The following ZNF142 variants were observed in gnomAD, a reference collection of about 807,000 sequenced individuals.
ZNF142 encodes the protein zinc finger protein 142 (clone pHZ-49).
ZNF142 carries 96 observed loss-of-function variants against 132.1 expected under a neutral mutation model. The ratio of observed to expected loss-of-function variants is 0.73; its 90% CI spans 0.62 to 0.86. ZNF142 has a LOEUF of 0.86. Among genes scored for constraint, ZNF142 ranks in the 40% least tolerant of loss-of-function variants. The probability of loss-of-function intolerance (pLI) is 0.00; values close to 1 mark genes in which losing one functional copy is unlikely to be tolerated. For synonymous variants in ZNF142, 842 were observed against 890.1 expected (o/e 0.95, Z 0.96); for missense variants, 2,163 against 2,336.2 (o/e 0.93, Z 1.53).
chr2:218,657,720 G>T (rs1359871134), intron 3 of ZNF142, among the ~76,000 whole-genome samples: 1 of 152,138 alleles, frequency 6.6e-6, no homozygotes, highest in African/African-American at 2.4e-5. Flanking sequence ...GTGAGGCACC[G>T]CGCCGGGCCT....
In ZNF142 at chr2:218,649,142, G is replaced by T. The variant is rs1299544933; in HGVS notation, c.1366C>A (p.Pro456Thr). The T allele has an allele frequency of 6.2e-7, 1 of 1,614,152 alleles. No individual in the cohort carries two copies. Residue 456 changes from proline (P) to threonine (T), a missense_variant, in exon 7 of 11, where the codon CCT becomes ACT. This residue lies in a region of ZNF142 where 749 missense variants were observed against 830.3 expected (regional missense o/e 0.90). Transcript: ENST00000411696. ...AGGCGGAATTCCTCACGGCAGACAG[G>T]ACAGGCATAGGTGTCTGAGTAGAAG... Reference protein sequence around the residue: ...SNFYSDTYACPVCREEFRLSQ... With the variant: ...SNFYSDTYACTVCREEFRLSQ...
chr2:218,641,166 T>C (rs1697152059), intron 9 of ZNF142, among the ~76,000 whole-genome samples: 1 of 152,086 alleles, frequency 6.6e-6, no homozygotes, highest in Non-Finnish European at 1.5e-5. Context: ...CTCAAACTCC[T>C]GGGATCAAGC....
chr2:218,658,337 C>T (rs185635607), intron 3 of ZNF142, among the ~76,000 whole-genome samples: 3 of 152,098 alleles, frequency 2.0e-5, no homozygotes, highest in Non-Finnish European at 4.4e-5. Flanking sequence ...GTCAGAAGTT[C>T]GAGACCAGCC....
chr2:218,643,308 G>A lies in ZNF142; in HGVS notation c.3808C>T (p.Pro1270Ser), dbSNP rs375768305. 2 of 1,614,082 alleles carry A rather than the reference G, an allele frequency of 1.2e-6. No homozygotes were observed. The highest frequency in any genetic ancestry group is 2.7e-5 in the African/African-American group (2 of 74,930). Reference protein sequence around the residue: ...GTPQTQPDVSPLSNGDSAPPK... With the variant: ...GTPQTQPDVSSLSNGDSAPPK... ...GGAGCAGAGTCCCCATTGCTCAACG[G>A]GGACACATCAGGCTGGGTCTGGGGG... The change falls in exon 9 of 11, where the codon CCG (proline) becomes TCG (serine). Residue 1270 changes from proline to serine, a missense_variant. Pro to Ser is a moderately conservative substitution (Grantham distance 74). This residue lies in a region of ZNF142 where 809 missense variants were observed against 801.7 expected (regional missense o/e 1.01). Coordinates refer to ENST00000411696, the MANE Select transcript of ZNF142 (RefSeq NM_001379659.1).
In ZNF142 at chr2:218,638,105, G is replaced by A. The variant is rs185745984; in HGVS notation, c.*234C>T. 1 of 379,956 alleles carries A rather than the reference G, an allele frequency of 2.6e-6. No individual in the cohort carries two copies. The highest frequency in any genetic ancestry group is 2.1e-5 in the African/African-American group (1 of 48,454). 23.5% of individuals were successfully genotyped at this position (379,956 alleles called of 1,614,324 possible). On this transcript the variant is annotated 3_prime_UTR_variant, in exon 11 of 11. Transcript: ENST00000411696. ...GTGATGGTGAAGAAACTGAGAACTT[G>A]CAGGTTAAAAACGCAATGTACAGCA...
At position 218,649,954 on chromosome 2, in the gene ZNF142, G is replaced by T. The variant is rs1187940004; in HGVS notation, c.1048+405C>A. On this transcript the variant is annotated intron_variant, in intron 6 of 10. Transcript: ENST00000411696. ...TTCACTTGATAACTATGCTCCTTGTGGGATGACTTTCAAATATTCTACTGA... is the reference window on the plus strand; with the variant it reads ...TTCACTTGATAACTATGCTCCTTGTTGGATGACTTTCAAATATTCTACTGA... Among the ~76,000 whole-genome samples the T allele has an allele frequency of 2.0e-5, 3 of 152,288 alleles. No individual in the cohort carries two copies. The East Asian group carries it at 5.8e-4, about 29-fold the overall frequency.
In ZNF142 at chr2:218,649,424, T is replaced by C. The variant is rs1937771604; in HGVS notation, c.1084A>G (p.Thr362Ala). ...CGCTTACACTCTGGACACATATGGGTCTTGAAGAGGGACTCGGTGCCAGAG... is the reference window on the plus strand; with the variant it reads ...CGCTTACACTCTGGACACATATGGGCCTTGAAGAGGGACTCGGTGCCAGAG... The part of the protein sequence containing the change: ...VVSGTESLFK[T>A]HMCPECKRCF... Residue 362 changes from threonine (T) to alanine (A), a missense_variant, in exon 7 of 11, where the codon ACC becomes GCC. Coordinates refer to ENST00000411696, the MANE Select transcript of ZNF142 (RefSeq NM_001379659.1). The C allele has an allele frequency of 1.2e-6, 2 of 1,609,848 alleles. No homozygotes were observed. Among genetic ancestry groups the C allele is most frequent in the Non-Finnish European group, 1.7e-6 (2 of 1,177,672 alleles).
rs1418956108 is a variant in ZNF142 at position 218,635,666 on chromosome 2, A to G, written c.*2673T>C. 2 of 1,292,902 alleles carry G rather than the reference A, an allele frequency of 1.5e-6. No individual in the cohort carries two copies. Among genetic ancestry groups the G allele is most frequent in the East Asian group, 2.5e-5 (1 of 39,232 alleles). The allele number at this position is 1,292,902 out of a possible 1,614,324, so 80.1% of individuals were successfully genotyped here. A position where few individuals can be genotyped will look rare whatever the true frequency, so the allele number is the denominator to read the frequency against. On this transcript the variant is annotated 3_prime_UTR_variant, in exon 11 of 11. Transcript: ENST00000411696. ...CATTTTAAATTGCAGATAGAATACT[A>G]GAAGAAAATATATTACCCATGGAGG...
Position 218,635,906 on chromosome 2 carries a change from G to A in ZNF142, c.*2433C>T, listed in dbSNP as rs762952324. 2.1e-4 allele frequency: 337 copies of A among 1,613,926 alleles called. No homozygotes were observed. Among genetic ancestry groups the A allele is most frequent in the Non-Finnish European group, 2.8e-4 (325 of 1,179,912 alleles). On this transcript the variant is annotated 3_prime_UTR_variant, in exon 11 of 11. Transcript: ENST00000411696. ...GCGTTCGTCTAGACACAGCACGGCA[G>A]GAGACCAACTATGTGGAGAACAATG...
At position 218,649,157 on chromosome 2, in the gene ZNF142, C is replaced by G. The variant is rs1373906684; in HGVS notation, c.1351G>C (p.Asp451His). ...CGGCAGACAGGACAGGCATAGGTGT[C>G]TGAGTAGAAGTTGGAAATATCTTCA... ...MHEDISNFYS[D>H]TYACPVCREE... Residue 451 changes from aspartate to histidine, a missense_variant, in exon 7 of 11, where the codon GAC becomes CAC. Around this residue, in one of 7 missense-constraint regions of ZNF142, gnomAD observed 749 missense variants for 830.3 expected, o/e 0.90. Coordinates refer to ENST00000411696, the MANE Select transcript of ZNF142 (RefSeq NM_001379659.1). 1.2e-6 allele frequency: 2 copies of G among 1,614,176 alleles called. No homozygotes were observed. The highest frequency in any genetic ancestry group is 3.3e-5 in the Admixed American group (2 of 60,022).
rs375491681 is a variant in ZNF142 at position 218,635,805 on chromosome 2, G to A, written c.*2534C>T. The A allele has an allele frequency of 1.2e-4, 187 of 1,612,354 alleles. No individual in the cohort carries two copies. The highest frequency in any genetic ancestry group is 1.5e-4 in the African/African-American group (11 of 74,968). ...AGAGCCCTGACTACAGGTGATCAGC[G>A]GTCAGCAACTCCCCAAAGTGGACAA... is the stretch of plus-strand genomic sequence containing the variant. On this transcript the variant is annotated 3_prime_UTR_variant, in exon 11 of 11. Transcript: ENST00000411696.
chr2:218,640,713 G>A lies in ZNF142; in HGVS notation c.5145C>T (p.Tyr1715=). 1.9e-6 allele frequency: 3 copies of A among 1,614,196 alleles called. No individual in the cohort carries two copies. In the African/African-American group the frequency reaches 4.0e-5, roughly 22 times the overall value. The part of the protein sequence containing the change: ...ERKYLCPECG[Y]KCKWVNQLKY... ...TCAGCTGGTTGACCCACTTGCACTT[G>A]TAGCCACACTCAGGGCACAGGTACT... The change falls in exon 10 of 11, where the codon TAC becomes TAT. Residue 1715 remains tyrosine, a synonymous_variant. Coordinates refer to ENST00000411696, the MANE Select transcript of ZNF142 (RefSeq NM_001379659.1).
In ZNF142 at chr2:218,644,956, G is replaced by A; in HGVS notation, c.2160C>T (p.Ala720=). 6.2e-7 allele frequency: 1 copy of A among 1,614,194 alleles called. No homozygotes were observed. The highest frequency in any genetic ancestry group is 8.5e-7 in the Non-Finnish European group (1 of 1,180,032). Residue 720 remains alanine (A), a synonymous_variant, in exon 9 of 11, where the codon GCC becomes GCT. Coordinates refer to ENST00000411696, the MANE Select transcript of ZNF142 (RefSeq NM_001379659.1). This position sits in a 1 kb window ranked among gnomAD's most constrained non-coding sequence, Gnocchi z 4.6. ...TCTGCAGCTCATACTTCCGCTTGCA[G>A]GCGAAGGCACACACCTCACACATCA... ...KSLMCEVCAF[A]CKRKYELQKH... is the part of the protein sequence containing the mutation.
rs2076355130 is a variant in ZNF142 at position 218,643,284 on chromosome 2, G to T, written c.3832C>A (p.Pro1278Thr). ...GACTCTGTACTCCCATTCTTCGGGG[G>T]AGCAGAGTCCCCATTGCTCAACGGG... The part of the protein sequence containing the change: ...VSPLSNGDSA[P>T]PKNGSTESSS... The change falls in exon 9 of 11, where the codon CCC becomes ACC. Residue 1278 changes from proline to threonine, a missense_variant. Physicochemically the swap from Pro to Thr is conservative, Grantham distance 38 (BLOSUM62 -1). Coordinates refer to ENST00000411696, the MANE Select transcript of ZNF142 (RefSeq NM_001379659.1). The T allele has an allele frequency of 1.2e-6, 2 of 1,614,218 alleles. No individual in the cohort carries two copies. Among genetic ancestry groups the T allele is most frequent in the Admixed American group, 1.7e-5 (1 of 60,034 alleles).
intron 4 of ZNF142, among the ~76,000 whole-genome samples, chr2:218,654,904 G>A (rs998744352): frequency 1.2e-4 from 18 of 152,212 alleles, no homozygotes; most frequent in African/African-American, 3.9e-4. Flanking sequence ...GGGCAACAAG[G>A]TGAGACCTCG....
At chr2:218,646,428 C>G (rs1697738424) in intron 7 of ZNF142, 80 bp from the exon 8 acceptor site, 7 of 1,521,684 alleles carry the variant, frequency 4.6e-6, no homozygotes, top group Admixed American at 1.9e-5. Flanking sequence ...TTCCAGCAAG[C>G]CTGCCCTGAT....
Position 218,634,144 on chromosome 2 carries a change from G to A in ZNF142, c.*4195C>T, listed in dbSNP as rs548113968. 4.1e-5 allele frequency: 66 copies of A among 1,612,582 alleles called. No individual in the cohort carries two copies. The highest frequency in any genetic ancestry group is 3.8e-4 in the Admixed American group (23 of 59,744). On this transcript the variant is annotated 3_prime_UTR_variant, in exon 11 of 11. Transcript: ENST00000411696. The surrounding 1 kb of genome is among the most constrained non-coding windows in gnomAD (Gnocchi z 4.0). ...CAGCACAATACTTGGCAGTTAAGCC[G>A]TGTGTATCCCAGCGGCCTGAGGACA...
In ZNF142 at chr2:218,646,317, G is replaced by C; in HGVS notation, c.1905C>G (p.Asp635Glu). 1 of 1,614,206 alleles carries C rather than the reference G, an allele frequency of 6.2e-7. No homozygotes were observed. The highest frequency in any genetic ancestry group is 8.5e-7 in the Non-Finnish European group (1 of 1,180,042). ...GGTAGCTCACGTCTCGGCATGTGAA[G>C]TCACACAGCTCACACTTGTGGGGCT... is the stretch of plus-strand genomic sequence containing the variant. ...GEKPHKCELC[D>E]FTCRDVSYLS... The change falls in exon 8 of 11, where the codon GAC becomes GAG. Residue 635 changes from aspartate to glutamate, a missense_variant. Asp to Glu is a conservative substitution (Grantham distance 45). This residue lies in a region of ZNF142 where 749 missense variants were observed against 830.3 expected (regional missense o/e 0.90). Coordinates refer to ENST00000411696, the MANE Select transcript of ZNF142 (RefSeq NM_001379659.1).
At position 218,645,031 on chromosome 2, in the gene ZNF142, G is replaced by C; in HGVS notation, c.2085C>G (p.His695Gln). Reference protein sequence around the residue: ...YQCNQCSYRCHRADQLSSHKL... With the variant: ...YQCNQCSYRCQRADQLSSHKL... ...TGTGGCTGCTCAGCTGATCAGCCCG[G>C]TGACAGCGATAGGAGCACTGGTTGC... Residue 695 changes from histidine to glutamine, a missense_variant, in exon 9 of 11, where the codon CAC becomes CAG. His to Gln is a conservative substitution (Grantham distance 24, BLOSUM62 0). Coordinates refer to ENST00000411696, the MANE Select transcript of ZNF142 (RefSeq NM_001379659.1). 1 of 1,613,564 alleles carries C rather than the reference G, an allele frequency of 6.2e-7. No homozygotes were observed. Among genetic ancestry groups the C allele is most frequent in the Non-Finnish European group, 8.5e-7 (1 of 1,179,732 alleles).
Sources: allele counts gnomAD v4.1 joint callset (sites outside exome capture counted in the v4.1 genomes callset), GRCh38; gene constraint gnomAD v4.1.1; regional missense constraint gnomAD v4.1.1; non-coding constraint Gnocchi (gnomAD v3.1); transcripts MANE v1.5; gene names NCBI Gene and HGNC (gene_info 2026-07-23, HGNC 2026-07-21).